RNF145: variants seen among roughly 807,000 people sequenced by gnomAD.
RNF145 encodes ring finger protein 145.
In RNF145, 12 loss-of-function variants were observed where a neutral mutation model predicts 57.3. The ratio of observed to expected loss-of-function variants is 0.21; its 90% CI spans 0.13 to 0.34. RNF145 has a LOEUF of 0.34. RNF145 is among the 10% of genes least tolerant of loss of function. The pLI, the probability that RNF145 is intolerant of heterozygous loss-of-function variation, is 1.00. For synonymous variants in RNF145, 262 were observed against 288.3 expected, an observed-to-expected ratio of 0.91 and a Z score of 0.92; for missense variants, 429 against 799.0, an observed-to-expected ratio of 0.54 and a Z score of 5.58.
chr5:159,206,977 A>C (rs1275779527), intron 1 of RNF145, among the ~76,000 whole-genome samples: 1 of 151,580 alleles, frequency 6.6e-6, no homozygotes, highest in Non-Finnish European at 1.5e-5. Flanking sequence ...AAAAAAAGGC[A>C]TTTCTTTCCA....
At position 159,196,229 on chromosome 5, in the gene RNF145, GTT is replaced by G. The variant is rs11360125; in HGVS notation, c.185-1407_185-1406del. On this transcript the variant is annotated intron_variant, in intron 2 of 10. Transcript: ENST00000424310. ...CATAAACTTTCTTAAAATATTATGA[GTT>G]TTTTTTTTTTTTTTTGCAATTTTAA... Among the ~76,000 whole-genome samples, 1,052 of 129,074 alleles carry G rather than the reference GTT, an allele frequency of 8.2e-3. 10 individuals are homozygous for G. Among genetic ancestry groups the G allele is most frequent in the African/African-American group, 0.024 (809 of 34,228 alleles). The allele number at this position is 129,074 out of a possible 152,430, so 84.7% of individuals were successfully genotyped here. A position where few individuals can be genotyped will look rare whatever the true frequency, so the allele number is the denominator to read the frequency against.
rs1202608851 is a variant in RNF145 at position 159,183,973 on chromosome 5, T to G, written c.294-1922A>C. Among the ~76,000 whole-genome samples the G allele has an allele frequency of 3.3e-5, 5 of 152,270 alleles. No individual in the cohort carries two copies. The East Asian group carries it at 9.6e-4, about 29-fold the overall frequency. ...AACTGCTCACTTTAAAATGATTAATTTTATGTTATACGAATTTTACATTAG... is the reference window on the plus strand; with the variant it reads ...AACTGCTCACTTTAAAATGATTAATGTTATGTTATACGAATTTTACATTAG... On this transcript the variant is annotated intron_variant, in intron 3 of 10. Coordinates refer to ENST00000424310, the MANE Select transcript of RNF145 (RefSeq NM_001199383.2).
chr5:159,165,825 A>T (rs1353820868), intron 8 of RNF145, among the ~76,000 whole-genome samples: 1 of 152,014 alleles, frequency 6.6e-6, no homozygotes, highest in African/African-American at 2.4e-5. Flanking sequence ...CACTATTTTT[A>T]ACATAGCACT....
At chr5:159,208,418 G>A (rs764297914) in intron 1 of RNF145, among the ~76,000 whole-genome samples, 1 of 152,150 alleles carries the variant, frequency 6.6e-6, no homozygotes, top group African/African-American at 2.4e-5. Flanking sequence ...TTCCAGAAAG[G>A]GGGTTCACGG....
chr5:159,179,776 T>C (rs2113149686), intron 4 of RNF145, among the ~76,000 whole-genome samples: 2 of 152,266 alleles, frequency 1.3e-5, no homozygotes, highest in South Asian at 2.1e-4. Context: ...CTCTGCTGTC[T>C]TTTAAAATCC....
intron 10 of RNF145, among the ~76,000 whole-genome samples, 194 bp from the exon 11 acceptor site, chr5:159,159,229 A>G (rs1219748915): frequency 6.6e-6 from 1 of 152,222 alleles, no homozygotes; most frequent in African/African-American, 2.4e-5. Context: ...AAATAATGCA[A>G]GAACTACTGG....
intron 3 of RNF145, among the ~76,000 whole-genome samples, chr5:159,189,460 G>C (rs2113191294): frequency 6.6e-6 from 1 of 152,292 alleles, no homozygotes; most frequent in Non-Finnish European, 1.5e-5. Flanking sequence ...ATGGATGCTG[G>C]CAAGAATGTA....
chr5:159,172,553 A>G (rs932881592), intron 6 of RNF145, among the ~76,000 whole-genome samples: 2 of 152,164 alleles, frequency 1.3e-5, no homozygotes, highest in Non-Finnish European at 2.9e-5. Flanking sequence ...TTTACTTAAT[A>G]CTAGATTAAT....
upstream of RNF145, chr5:159,209,671 C>G: frequency 1.0e-6 from 1 of 954,680 alleles, no homozygotes; most frequent in Non-Finnish European, 1.4e-6. Context: ...GCTTTCCGCA[C>G]CGCCTCCGGT....
chr5:159,168,568 A>T (rs1054413257), intron 8 of RNF145, among the ~76,000 whole-genome samples: 1 of 152,140 alleles, frequency 6.6e-6, no homozygotes. Context: ...CTATGTTCTT[A>T]ATTTTAAAAT....
chr5:159,201,373 T>C (rs1176592166), intron 2 of RNF145, among the ~76,000 whole-genome samples: 5 of 152,220 alleles, frequency 3.3e-5, no homozygotes, highest in Non-Finnish European at 7.3e-5. Context: ...CTTGTTGAAA[T>C]TATAGCTATA....
At chr5:159,201,875 T>C (rs930493895) in intron 2 of RNF145, among the ~76,000 whole-genome samples, 2 of 152,236 alleles carry the variant, frequency 1.3e-5, no homozygotes, top group Admixed American at 6.5e-5. Context: ...TGCTTTTTTA[T>C]TTCTGAATGT....
At position 159,161,238 on chromosome 5, in the gene RNF145, C is replaced by G. The variant is rs77512826; in HGVS notation, c.1626+28G>C. The stretch of plus-strand genomic sequence containing the variant: ...CCAAGGGATACACTGTATGACTTAC[C>G]CAAACACATTCTTATTGAAGGAGTT... On this transcript the variant is annotated intron_variant, in intron 10 of 10. Coordinates refer to ENST00000424310, the MANE Select transcript of RNF145 (RefSeq NM_001199383.2). The G allele has an allele frequency of 8.1e-3, 11,848 of 1,458,538 alleles. 92 individuals are homozygous for G. The highest frequency in any genetic ancestry group is 0.037 in the Middle Eastern group (172 of 4,600). The allele number at this position is 1,458,538 out of a possible 1,614,324, so 90.3% of individuals were successfully genotyped here.
intron 3 of RNF145, among the ~76,000 whole-genome samples, chr5:159,187,199 T>C (rs879475592): frequency 6.6e-6 from 1 of 150,614 alleles, no homozygotes; most frequent in Non-Finnish European, 1.5e-5. Context: ...GGAGAATCAC[T>C]TGAACCCAGG....
At chr5:159,189,915 G>C (rs975012453) in intron 3 of RNF145, among the ~76,000 whole-genome samples, 2 of 152,148 alleles carry the variant, frequency 1.3e-5, no homozygotes, top group Admixed American at 1.3e-4. Context: ...CAGGGAGGGT[G>C]GTGGGAAATA....
chr5:159,180,660 TCAA>T (rs1043621480), intron 4 of RNF145, among the ~76,000 whole-genome samples: 20 of 152,034 alleles, frequency 1.3e-4, no homozygotes, highest in African/African-American at 4.8e-4. Flanking sequence ...ACAAGTGAAA[TCAA>T]CAATATATTT....
intron 6 of RNF145, among the ~76,000 whole-genome samples, chr5:159,170,336 G>A (rs1784505697): frequency 6.6e-6 from 1 of 152,078 alleles, no homozygotes; most frequent in South Asian, 2.1e-4. Context: ...TTTAGGTTGA[G>A]ACAAAGGCAT....
chr5:159,169,384 T>C (rs1487204561), intron 7 of RNF145, among the ~76,000 whole-genome samples: 1 of 152,222 alleles, frequency 6.6e-6, no homozygotes, highest in African/African-American at 2.4e-5. Context: ...AATCAGATTT[T>C]AACAGGGCTA....
intron 1 of RNF145, 141 bp from the exon 2 acceptor site, chr5:159,203,797 A>G: frequency 1.6e-6 from 1 of 607,146 alleles, no homozygotes; most frequent in South Asian, 2.1e-5. Flanking sequence ...CACAACTACT[A>G]TTTTTAGATA....
Sources: allele counts gnomAD v4.1 joint callset (sites outside exome capture counted in the v4.1 genomes callset), GRCh38; gene constraint gnomAD v4.1.1; transcripts MANE v1.5; gene names NCBI Gene and HGNC (gene_info 2026-07-23, HGNC 2026-07-21).